The following GET1 variants were observed in gnomAD, a reference collection of about 807,000 sequenced individuals.
The protein encoded by GET1 is congenital heart disease 5 protein.
Under a neutral mutation model 22.6 loss-of-function variants are expected in GET1, and 20 were observed. The observed-to-expected ratio is 0.89, with a 90% CI of 0.62 to 1.29. GET1 has a LOEUF of 1.29. GET1 is among the 50% of genes most tolerant of loss of function. The pLI, the probability that GET1 is intolerant of heterozygous loss-of-function variation, is 0.00. For missense variants in GET1, 209 were observed against 219.9 expected, an observed-to-expected ratio of 0.95 and a Z score of 0.31; for synonymous variants, 92 against 83.8, an observed-to-expected ratio of 1.10 and a Z score of -0.53.
chr21:39,420,639 G>C (rs2042144826), intron 1 of GET1: 2 of 1,347,036 alleles, frequency 1.5e-6, no homozygotes, highest in Admixed American at 1.8e-5. Context: ...AGATATAATA[G>C]ACATAAATAG....
intron 3 of GET1, 111 bp downstream of exon 3, chr21:39,391,947 G>A (rs543636675): frequency 7.7e-5 from 76 of 982,622 alleles, no homozygotes; most frequent in Non-Finnish European, 1.1e-4. Context: ...TTCAGCTGTC[G>A]TGTCGTGTGT....
intron 1 of GET1, among the ~76,000 whole-genome samples, chr21:39,412,991 CAG>C (rs1406539748): frequency 1.3e-5 from 2 of 152,188 alleles, no homozygotes; most frequent in Non-Finnish European, 2.9e-5. Flanking sequence ...GGCTTTGCAA[CAG>C]AGAATCTAGC....
chr21:39,403,468 A>G (rs2038892703), intron 4 of GET1, among the ~76,000 whole-genome samples: 1 of 151,752 alleles, frequency 6.6e-6, no homozygotes, highest in Admixed American at 6.6e-5. Flanking sequence ...CTGGGACTAA[A>G]GGCGCCGCCA....
chr21:39,393,841 C>T (rs764562302), intron 4 of GET1, among the ~76,000 whole-genome samples: 56 of 151,842 alleles, frequency 3.7e-4, no homozygotes, highest in Non-Finnish European at 5.5e-4. Context: ...GTAGAGACAG[C>T]GTTTCACCAT....
chr21:39,392,046 G>A, intron 3 of GET1: 1 of 544,662 alleles, frequency 1.8e-6, no homozygotes, highest in Non-Finnish European at 3.2e-6. Context: ...TAAAGTTTGG[G>A]ACTTTTTGGC....
chr21:39,400,602 G>A (rs948829430), downstream of GET1, among the ~76,000 whole-genome samples: 1 of 152,154 alleles, frequency 6.6e-6, no homozygotes, highest in Admixed American at 6.5e-5. Context: ...AAGGCCTGCG[G>A]TATGGAGCAC....
chr21:39,417,929 T>C (rs942573654), intron 1 of GET1, among the ~76,000 whole-genome samples: 15 of 151,922 alleles, frequency 9.9e-5, no homozygotes, highest in South Asian at 4.1e-4. Flanking sequence ...CCATGCCTGG[T>C]TAATTTTTTG....
rs374195202 is a variant in GET1, at chr21:39,391,789, T to A, written c.289T>A (p.Leu97Ile). Residue 97 changes from leucine to isoleucine, a missense_variant, in exon 3 of 5, where the codon TTA (leucine) becomes ATA (isoleucine). By Grantham distance (5) the Leu-to-Ile change is conservative. Transcript: ENST00000649170. ...TTCAGTGAAAGCTCGGACAGCTCAATTAGCCAAGATAAAATGGGTGATAAG... is the reference window on the plus strand; with the variant it reads ...TTCAGTGAAAGCTCGGACAGCTCAAATAGCCAAGATAAAATGGGTGATAAG... ...KTHVKARTAQ[L>I]AKIKWVISVA... 3.3e-5 allele frequency: 53 copies of A among 1,614,064 alleles called. No homozygotes were observed. The highest frequency in any genetic ancestry group is 4.4e-5 in the Non-Finnish European group (52 of 1,180,026).
chr21:39,410,371 T>A (rs200052972), downstream of GET1: 3 of 1,500,062 alleles, frequency 2.0e-6, no homozygotes, highest in African/African-American at 4.2e-5. Flanking sequence ...GAAGAAACTA[T>A]GGAACAGGTA....
At chr21:39,393,325 T>G (rs2038429577) in intron 4 of GET1, 45 bp downstream of exon 4, 1 of 1,446,402 alleles carries the variant, frequency 6.9e-7, no homozygotes, top group African/African-American at 1.4e-5. Context: ...TGAATAGGCT[T>G]ATGTAGAGGT....
At chr21:39,390,674 G>C in intron 1 of GET1, 24 bp from the exon 2 acceptor site, 1 of 1,613,344 alleles carries the variant, frequency 6.2e-7, no homozygotes, top group Non-Finnish European at 8.5e-7. Context: ...GGAAGGTGCT[G>C]ATCCCCGTTG....
chr21:39,384,290 T>C (rs184088078), intron 1 of GET1, among the ~76,000 whole-genome samples: 6 of 152,012 alleles, frequency 3.9e-5, no homozygotes, highest in African/African-American at 9.7e-5. Context: ...AGAGTTTTGC[T>C]CTTTTGCCGA....
intron 1 of GET1, among the ~76,000 whole-genome samples, chr21:39,381,526 C>G (rs566929268): frequency 2.4e-4 from 37 of 152,188 alleles, no homozygotes; most frequent in Non-Finnish European, 5.0e-4. Flanking sequence ...AGGGAATTCT[C>G]TTTTAACCCC....
intron 1 of GET1, among the ~76,000 whole-genome samples, chr21:39,388,216 A>T (rs906573688): frequency 5.3e-5 from 8 of 152,176 alleles, no homozygotes; most frequent in African/African-American, 1.9e-4. Flanking sequence ...AACTAAAAAA[A>T]AATTAGTCGA....
intron 1 of GET1, among the ~76,000 whole-genome samples, chr21:39,382,533 T>G (rs2037619301): frequency 6.6e-6 from 1 of 152,248 alleles, no homozygotes; most frequent in Non-Finnish European, 1.5e-5. Flanking sequence ...GTGACTGGCT[T>G]CTTTTCACTC....
At chr21:39,406,080 T>A (rs748330039) in exon 5 of GET1, 2 of 1,614,190 alleles carry the variant, frequency 1.2e-6, no homozygotes, top group Non-Finnish European at 1.7e-6. Context: ...AGACATAGCC[T>A]GATCCAAAGA....
intron 4 of GET1, among the ~76,000 whole-genome samples, chr21:39,404,338 T>C (rs1659597930): frequency 6.6e-6 from 1 of 152,108 alleles, no homozygotes; most frequent in African/African-American, 2.4e-5. Flanking sequence ...AACATACAGG[T>C]ATGCAACAAA....
downstream of GET1, among the ~76,000 whole-genome samples, chr21:39,409,250 C>G (rs1480089652): frequency 6.6e-6 from 1 of 152,116 alleles, no homozygotes; most frequent in Non-Finnish European, 1.5e-5. The surrounding 1 kb of genome is among the most constrained non-coding windows in gnomAD (Gnocchi z 4.2). Flanking sequence ...AGGAAGAGGG[C>G]CTTAACTGAA....
Position 39,380,381 on chromosome 21 carries a change from C to A in GET1, c.-4C>A. 1 of 1,600,560 alleles carries A rather than the reference C, an allele frequency of 6.2e-7. No homozygotes were observed. The highest frequency in any genetic ancestry group is 8.5e-7 in the Non-Finnish European group (1 of 1,172,590). On this transcript the variant is annotated 5_prime_UTR_variant, in exon 1 of 5. Coordinates refer to ENST00000649170, the MANE Select transcript of GET1 (RefSeq NM_004627.6). Reference sequence around the variant, plus strand: ...CGGACCCAGCACAGCCAGGAGCGTCCGGGATGAGCTCAGCCGCGGCCGACC... The same window carrying A: ...CGGACCCAGCACAGCCAGGAGCGTCAGGGATGAGCTCAGCCGCGGCCGACC...
Sources: allele counts gnomAD v4.1 joint callset (sites outside exome capture counted in the v4.1 genomes callset), GRCh38; gene constraint gnomAD v4.1.1; non-coding constraint Gnocchi (gnomAD v3.1); transcripts MANE v1.5; gene names NCBI Gene and HGNC (gene_info 2026-07-23, HGNC 2026-07-21).